The following SEZ6L variants were observed in gnomAD, a reference collection of about 807,000 sequenced individuals.
The protein encoded by SEZ6L is seizure related 6 homolog like, also known as seizure 6-like protein.
A neutral mutation model predicts 106.2 loss-of-function variants in SEZ6L; 37 were observed. That is an observed-to-expected ratio of 0.35 (90% confidence interval 0.27 to 0.46). The LOEUF is 0.46. Among genes scored for constraint, SEZ6L ranks in the 20% least tolerant of loss-of-function variants. The pLI is 1.00. For missense variants in SEZ6L, 1,172 were observed against 1,332.8 expected (o/e 0.88, Z 1.88); for synonymous variants, 541 against 570.4 (o/e 0.95, Z 0.73).
intron 11 of SEZ6L, among the ~76,000 whole-genome samples, chr22:26,348,907 G>A (rs1482697935): frequency 1.2e-5 from 1 of 80,522 alleles, no homozygotes; most frequent in African/African-American, 5.1e-5. Flanking sequence ...GGGAAGGAAT[G>A]AAAGAGGGGA....
intron 13 of SEZ6L, among the ~76,000 whole-genome samples, chr22:26,369,979 G>GGGA (rs2083971579): frequency 6.6e-6 from 1 of 152,190 alleles, no homozygotes. Context: ...GGAAGTTCCT[G>GGGA]AGTAAAGATT....
intron 12 of SEZ6L, among the ~76,000 whole-genome samples, chr22:26,361,562 T>C (rs573939313): frequency 6.6e-6 from 1 of 150,920 alleles, no homozygotes; most frequent in Admixed American, 6.6e-5. Context: ...AACAGTACAA[T>C]TGGTATGAAA....
chr22:26,234,341 G>C (rs1253154166), intron 1 of SEZ6L, among the ~76,000 whole-genome samples: 2 of 152,188 alleles, frequency 1.3e-5, no homozygotes, highest in Non-Finnish European at 2.9e-5. Context: ...GAAATAATGG[G>C]GCCAGCAGAG....
chr22:26,203,090 A>G (rs1941076160), intron 1 of SEZ6L, among the ~76,000 whole-genome samples: 1 of 152,210 alleles, frequency 6.6e-6, no homozygotes. Flanking sequence ...CTGTGCCTGC[A>G]ACTTAGAGCT....
chr22:26,268,315 G>C (rs1047530122), intron 1 of SEZ6L, among the ~76,000 whole-genome samples: 1 of 152,184 alleles, frequency 6.6e-6, no homozygotes, highest in African/African-American at 2.4e-5. Context: ...TAGATCACAG[G>C]ACATTTTTAA....
At chr22:26,277,066 G>T (rs1051218095) in intron 1 of SEZ6L, among the ~76,000 whole-genome samples, 4 of 151,050 alleles carry the variant, frequency 2.6e-5, no homozygotes, top group Non-Finnish European at 5.9e-5. Flanking sequence ...CACAGAAGAC[G>T]ATTATCCGAT....
chr22:26,380,315 G>A lies in SEZ6L; in HGVS notation c.*20G>A, dbSNP rs764921132. ...ATCTAAAGAGAGCTACACTTGAGAAGGGGACTTGTGAACTCAACCACAATC... is the reference window on the plus strand; with the variant it reads ...ATCTAAAGAGAGCTACACTTGAGAAAGGGACTTGTGAACTCAACCACAATC... On this transcript the variant is annotated 3_prime_UTR_variant, in exon 17 of 17. Coordinates refer to ENST00000248933, the MANE Select transcript of SEZ6L (RefSeq NM_021115.5). 42 of 1,609,386 alleles carry A rather than the reference G, an allele frequency of 2.6e-5. No homozygotes were observed. In the South Asian group the frequency reaches 4.5e-4, roughly 17 times the overall value.
rs2081841629 is a variant in SEZ6L at position 26,311,802 on chromosome 22, C to G, written c.1716C>G (p.Ile572Met). 6.2e-7 allele frequency: 1 copy of G among 1,614,088 alleles called. No individual in the cohort carries two copies. The highest frequency in any genetic ancestry group is 8.5e-7 in the Non-Finnish European group (1 of 1,180,044). The change falls in exon 8 of 17, where the codon ATC (isoleucine) becomes ATG (methionine). Residue 572 changes from isoleucine to methionine, a missense_variant. This residue lies in a region of SEZ6L where 534 missense variants were observed against 691.0 expected (regional missense o/e 0.77). Transcript: ENST00000248933. ...FEKGHCYEPY[I>M]QNGNFTTSDP... is the part of the protein sequence containing the mutation. ...AAGGCCACTGCTATGAGCCCTACAT[C>G]CAGAATGGGAACTTCACTACATCCG...
At chr22:26,377,836 A>G in intron 16 of SEZ6L, 61 bp downstream of exon 16, 1 of 1,236,154 alleles carries the variant, frequency 8.1e-7, no homozygotes, top group Non-Finnish European at 1.2e-6. Context: ...ATTCACCAAC[A>G]ATAAGACAAA....
At chr22:26,351,539 T>TGG (rs10634006) in intron 12 of SEZ6L, 120,050 of 247,684 alleles carry the variant, frequency 0.48, 30,582 homozygotes, top group African/African-American at 0.56. Flanking sequence ...GTTTGTTTGT[T>TGG]TGTTTGTTGG....
At chr22:26,295,738 G>A (rs566012710) in intron 3 of SEZ6L, among the ~76,000 whole-genome samples, 2 of 152,172 alleles carry the variant, frequency 1.3e-5, no homozygotes, top group Non-Finnish European at 2.9e-5. Context: ...AATGCACCAG[G>A]CAAAGCTGTT....
intron 1 of SEZ6L, among the ~76,000 whole-genome samples, chr22:26,202,779 G>C (rs771597655): frequency 6.6e-6 from 1 of 152,160 alleles, no homozygotes; most frequent in Non-Finnish European, 1.5e-5. Flanking sequence ...TCAGCCCCTG[G>C]ATGATTTAGA....
intron 9 of SEZ6L, among the ~76,000 whole-genome samples, chr22:26,316,087 A>T (rs1254147675): frequency 6.6e-6 from 1 of 152,032 alleles, no homozygotes. Flanking sequence ...AATTAAATAG[A>T]CCTCATCCTC....
At chr22:26,194,493 G>C (rs539521350) in intron 1 of SEZ6L, among the ~76,000 whole-genome samples, 1 of 152,212 alleles carries the variant, frequency 6.6e-6, no homozygotes, top group African/African-American at 2.4e-5. Context: ...TGGGTGGCAA[G>C]ATTGGATTGC....
chr22:26,196,482 T>G (rs1940588571), intron 1 of SEZ6L, among the ~76,000 whole-genome samples: 1 of 152,232 alleles, frequency 6.6e-6, no homozygotes, highest in Non-Finnish European at 1.5e-5. Flanking sequence ...AGGGCAAGCC[T>G]GCTCAGAAAT....
intron 1 of SEZ6L, among the ~76,000 whole-genome samples, chr22:26,283,025 A>G (rs1259342645): frequency 2.0e-5 from 3 of 152,002 alleles, no homozygotes; most frequent in Non-Finnish European, 4.4e-5. Flanking sequence ...GGTTCAAGCG[A>G]TTCTTCTGCC....
rs924838139 is a variant in SEZ6L at position 26,169,683 on chromosome 22, G to C, written c.14G>C (p.Arg5Pro). ...CCTGCAGCCACGATGCCCGCGGCCCGGCCGCCCGCCGCGGGACTCCGCGGG... is the reference window on the plus strand; with the variant it reads ...CCTGCAGCCACGATGCCCGCGGCCCCGCCGCCCGCCGCGGGACTCCGCGGG... Reference protein sequence around the residue: MPAARPPAAGLRGIS... With the variant: MPAAPPPAAGLRGIS... The change falls in exon 1 of 17, where the codon CGG (arginine) becomes CCG (proline). Residue 5 changes from arginine (R) to proline (P), a missense_variant. By Grantham distance (103) the Arg-to-Pro change is moderately radical (BLOSUM62 -2). Coordinates refer to ENST00000248933, the MANE Select transcript of SEZ6L (RefSeq NM_021115.5). 1 of 1,316,770 alleles carries C rather than the reference G, an allele frequency of 7.6e-7. No individual in the cohort carries two copies. The highest frequency in any genetic ancestry group is 1.5e-5 in the African/African-American group (1 of 65,196). The allele number at this position is 1,316,770 out of a possible 1,614,324, so 81.6% of individuals were successfully genotyped here.
chr22:26,219,463 A>G (rs1295653250), intron 1 of SEZ6L, among the ~76,000 whole-genome samples: 1 of 152,142 alleles, frequency 6.6e-6, no homozygotes, highest in East Asian at 1.9e-4. Flanking sequence ...AGCAAATTAT[A>G]GTGCTTGCTT....
chr22:26,292,524 C>A lies in SEZ6L; in HGVS notation c.213C>A (p.Pro71=), dbSNP rs1178676970. Residue 71 remains proline, a synonymous_variant, in exon 2 of 17, where the codon CCC becomes CCA. Coordinates refer to ENST00000248933, the MANE Select transcript of SEZ6L (RefSeq NM_021115.5). ...AAGAGAGAGTGGTAACAGCGCCCCC[C>A]AGTTCCTCACAGTCGGCGGAAGTGC... The part of the protein sequence containing the change: ...HPEERVVTAP[P]SSSQSAEVLG... 1.2e-6 allele frequency: 2 copies of A among 1,613,754 alleles called. No individual in the cohort carries two copies. The highest frequency in any genetic ancestry group is 1.7e-6 in the Non-Finnish European group (2 of 1,179,922).
Sources: allele counts gnomAD v4.1 joint callset (sites outside exome capture counted in the v4.1 genomes callset), GRCh38; gene constraint gnomAD v4.1.1; regional missense constraint gnomAD v4.1.1; transcripts MANE v1.5; gene names NCBI Gene and HGNC (gene_info 2026-07-23, HGNC 2026-07-21).